The following ASIC2 variants were observed in gnomAD, a reference collection of about 807,000 sequenced individuals.
ASIC2 encodes acid-sensing ion channel 2.
Under a neutral mutation model 57.3 loss-of-function variants are expected in ASIC2, and 25 were observed. The ratio of observed to expected loss-of-function variants is 0.44; its 90% CI spans 0.32 to 0.61. The LOEUF (loss-of-function observed/expected upper bound fraction) is 0.61. Among genes scored for constraint, ASIC2 ranks in the 20% least tolerant of loss-of-function variants. The pLI is 0.06. For synonymous variants in ASIC2, 319 were observed against 307.5 expected (o/e 1.04, Z -0.39); for missense variants, 641 against 738.1 (o/e 0.87, Z 1.52).
At chr17:33,666,361 T>C (rs1199659804) in intron 1 of ASIC2, among the ~76,000 whole-genome samples, 2 of 152,098 alleles carry the variant, frequency 1.3e-5, no homozygotes, top group African/African-American at 4.8e-5. Flanking sequence ...AGTGTGTGGG[T>C]GGCAGAAGGT....
chr17:33,267,488 A>G (rs971744468), intron 1 of ASIC2, among the ~76,000 whole-genome samples: 2 of 152,332 alleles, frequency 1.3e-5, no homozygotes, highest in Middle Eastern at 3.4e-3. Flanking sequence ...GAGGATCATT[A>G]ATTGCCTTGC....
Position 33,369,664 on chromosome 17 carries a change from G to A in ASIC2, c.556-257597C>T, listed in dbSNP as rs555791670. ...ATGATTACCCCATGTTACAGAGGAG[G>A]AAACAAAGGGGCAGTGGGACTATAT... On this transcript the variant is annotated intron_variant, in intron 1 of 9. Coordinates refer to the ASIC2 transcript ENST00000359872. 4.6e-5 allele frequency among the ~76,000 whole-genome samples: 7 copies of A among 152,240 alleles called. 1 individual carries two copies. The highest frequency in any genetic ancestry group is 1.9e-4 in the East Asian group (1 of 5,172).
At chr17:33,750,358 G>A (rs1910392974) in intron 1 of ASIC2, among the ~76,000 whole-genome samples, 1 of 149,520 alleles carries the variant, frequency 6.7e-6, no homozygotes, top group Admixed American at 6.6e-5. Flanking sequence ...CTGAGGTTTG[G>A]TAGACTGATG....
chr17:34,083,021 AT>A (rs61456294), intron 1 of ASIC2, among the ~76,000 whole-genome samples: 31,730 of 148,160 alleles, frequency 0.21, 4,540 homozygotes, highest in African/African-American at 0.42. Flanking sequence ...TTTGCATGCT[AT>A]TTTTTTTTTA....
chr17:33,685,764 C>A (rs1487993938), intron 1 of ASIC2, among the ~76,000 whole-genome samples: 3 of 152,178 alleles, frequency 2.0e-5, no homozygotes, highest in African/African-American at 7.2e-5. Flanking sequence ...ATGGCAGAGT[C>A]CACCAGCCCC....
intron 1 of ASIC2, among the ~76,000 whole-genome samples, chr17:33,220,324 T>C (rs1465176425): frequency 3.3e-5 from 5 of 152,316 alleles, no homozygotes; most frequent in Middle Eastern, 3.4e-3. Flanking sequence ...CAGCAGTTTT[T>C]GCACAGTGGC....
chr17:33,963,943 A>C (rs1346667086), intron 1 of ASIC2, among the ~76,000 whole-genome samples: 1 of 152,230 alleles, frequency 6.6e-6, no homozygotes, highest in Non-Finnish European at 1.5e-5. Flanking sequence ...CCTTTCTGCC[A>C]CTGGATGACC....
intron 1 of ASIC2, among the ~76,000 whole-genome samples, chr17:33,176,731 C>T (rs573220964): frequency 6.1e-4 from 93 of 152,288 alleles, no homozygotes; most frequent in Non-Finnish European, 5.6e-4. Flanking sequence ...GAAGAATTAT[C>T]CCTAATTTCA....
intron 1 of ASIC2, among the ~76,000 whole-genome samples, chr17:33,227,756 C>A (rs1264420632): frequency 6.6e-6 from 1 of 152,124 alleles, no homozygotes; most frequent in Non-Finnish European, 1.5e-5. Context: ...TCCCATTTAA[C>A]AGATAAAGAA....
intron 1 of ASIC2, among the ~76,000 whole-genome samples, chr17:33,356,455 C>T (rs999288454): frequency 3.3e-5 from 5 of 152,058 alleles, no homozygotes; most frequent in East Asian, 1.9e-4. Context: ...TCATGCTGGG[C>T]GGACATTGGA....
At chr17:33,351,221 C>T (rs1056182711) in intron 1 of ASIC2, among the ~76,000 whole-genome samples, 1 of 152,008 alleles carries the variant, frequency 6.6e-6, no homozygotes, top group Admixed American at 6.6e-5. Context: ...TATTTGGCCC[C>T]CCTCCTCCCC....
chr17:34,147,821 G>A (rs1487581081), intron 1 of ASIC2, among the ~76,000 whole-genome samples: 1 of 152,114 alleles, frequency 6.6e-6, no homozygotes, highest in Non-Finnish European at 1.5e-5. Flanking sequence ...AGACTCAGGT[G>A]GTATCGTTTT....
intron 1 of ASIC2, among the ~76,000 whole-genome samples, chr17:34,049,733 C>T (rs1908479424): frequency 6.6e-6 from 1 of 152,194 alleles, no homozygotes. Context: ...TGCCTCTATT[C>T]ATCTGATCAA....
At chr17:33,301,375 T>G (rs1905954450) in intron 1 of ASIC2, among the ~76,000 whole-genome samples, 1 of 152,104 alleles carries the variant, frequency 6.6e-6, no homozygotes. Flanking sequence ...AGCAACTCTA[T>G]GAAGTATGTC....
At chr17:34,136,130 A>G (rs377640137) in intron 1 of ASIC2, among the ~76,000 whole-genome samples, 129 of 152,294 alleles carry the variant, frequency 8.5e-4, no homozygotes, top group African/African-American at 2.7e-3. Flanking sequence ...TAAAACAAAG[A>G]TTATAAGACT....
intron 1 of ASIC2, among the ~76,000 whole-genome samples, chr17:33,535,336 G>T (rs1025655055): frequency 6.6e-6 from 1 of 150,836 alleles, no homozygotes; most frequent in Admixed American, 6.6e-5. Flanking sequence ...GCAGTGGTGC[G>T]ATCTCGGCTC....
intron 1 of ASIC2, among the ~76,000 whole-genome samples, chr17:34,095,630 A>ATT (rs1910497703): frequency 2.6e-5 from 2 of 77,456 alleles, no homozygotes; most frequent in African/African-American, 1.2e-4. Context: ...TATATATATA[A>ATT]TTTTATATAT....
chr17:33,654,247 A>G (rs1226393469), intron 1 of ASIC2, among the ~76,000 whole-genome samples: 1 of 152,268 alleles, frequency 6.6e-6, no homozygotes, highest in Non-Finnish European at 1.5e-5. Context: ...AAAAGAGCTC[A>G]CTAGAGCTTT....
chr17:34,090,640 GAA>G (rs1396196810), intron 1 of ASIC2, among the ~76,000 whole-genome samples: 2 of 152,122 alleles, frequency 1.3e-5, no homozygotes, highest in East Asian at 3.9e-4. Context: ...ACCCAAGAAG[GAA>G]AAAGAGTACT....
Sources: allele counts gnomAD v4.1 joint callset (sites outside exome capture counted in the v4.1 genomes callset), GRCh38; gene constraint gnomAD v4.1.1; transcripts MANE v1.5; gene names NCBI Gene and HGNC (gene_info 2026-07-23, HGNC 2026-07-21).